Variants in PID1 observed in about 807,000 individuals in gnomAD.
PID1 encodes PTB-containing, cubilin and LRP1-interacting protein.
In PID1, 10 loss-of-function variants were observed where a neutral mutation model predicts 19.1. The ratio of observed to expected loss-of-function variants is 0.52; its 90% CI spans 0.32 to 0.89. PID1 has a LOEUF of 0.89. Ranked by LOEUF, PID1 falls within the 40% of genes least tolerant of loss-of-function variation. PID1 has a pLI of 0.03. For synonymous variants in PID1, 130 were observed against 116.0 expected, an observed-to-expected ratio of 1.12 and a Z score of -0.78; for missense variants, 248 against 285.3, an observed-to-expected ratio of 0.87 and a Z score of 0.94.
chr2:229,191,486 C>A (rs1691259254), intron 1 of PID1, among the ~76,000 whole-genome samples: 1 of 152,090 alleles, frequency 6.6e-6, no homozygotes, highest in South Asian at 2.1e-4. Context: ...CAATAGATAC[C>A]ATGAAGTGAT....
chr2:229,053,335 T>C (rs1694032134), intron 2 of PID1, among the ~76,000 whole-genome samples: 1 of 152,204 alleles, frequency 6.6e-6, no homozygotes. Context: ...ATAAAGATGT[T>C]ACACTGATTA....
At chr2:229,121,662 G>A (rs750015551) in intron 2 of PID1, among the ~76,000 whole-genome samples, 1 of 152,084 alleles carries the variant, frequency 6.6e-6, no homozygotes, top group East Asian at 1.9e-4. Context: ...GTATTCTGTC[G>A]GGCTCTCCTC....
intron 1 of PID1, among the ~76,000 whole-genome samples, chr2:229,163,701 T>C (rs542139282): frequency 7.5e-6 from 1 of 132,696 alleles, no homozygotes; most frequent in Admixed American, 8.6e-5. Context: ...GTGTGTATAC[T>C]CACTAATTCA....
chr2:229,227,820 A>T, intron 1 of PID1: 2 of 315,080 alleles, frequency 6.3e-6, no homozygotes, highest in Non-Finnish European at 6.4e-6. Context: ...TCTTGTCATT[A>T]TCTCCCAACC....
rs533391342 is a variant in PID1 at position 229,108,779 on chromosome 2, C to T, written c.177+47039G>A. Among the ~76,000 whole-genome samples, 41 of 152,220 alleles carry T rather than the reference C, an allele frequency of 2.7e-4. No homozygotes were observed. The South Asian group carries it at 3.5e-3, about 13-fold the overall frequency. Reference sequence around the variant, plus strand: ...ATCCCTGTTGTCTAAGGAGCCTGGACACAGTCGTCTGAGTGATGGGCAGCT... The same window carrying T: ...ATCCCTGTTGTCTAAGGAGCCTGGATACAGTCGTCTGAGTGATGGGCAGCT... On this transcript the variant is annotated intron_variant, in intron 2 of 2. Coordinates refer to ENST00000392055, the MANE Select transcript of PID1 (RefSeq NM_001100818.2).
intron 1 of PID1, among the ~76,000 whole-genome samples, chr2:229,234,909 ATT>A (rs1435518989): frequency 1.3e-5 from 2 of 152,220 alleles, no homozygotes; most frequent in Non-Finnish European, 2.9e-5. Context: ...CTTCATAAAT[ATT>A]AATAGCAATT....
At chr2:229,050,425 A>C (rs145153466) in intron 2 of PID1, among the ~76,000 whole-genome samples, 2 of 152,338 alleles carry the variant, frequency 1.3e-5, no homozygotes, top group African/African-American at 4.8e-5. Flanking sequence ...TTCTGTGGTG[A>C]AACAGACGCT....
intron 1 of PID1, among the ~76,000 whole-genome samples, chr2:229,185,390 T>A (rs1199014366): frequency 6.6e-6 from 1 of 152,154 alleles, no homozygotes; most frequent in Non-Finnish European, 1.5e-5. Flanking sequence ...TCCTGTCTAC[T>A]TAGGGATGCT....
At chr2:229,143,985 G>T (rs1259730677) in intron 2 of PID1, among the ~76,000 whole-genome samples, 1 of 152,046 alleles carries the variant, frequency 6.6e-6, no homozygotes, top group Non-Finnish European at 1.5e-5. Flanking sequence ...ACATACAAAA[G>T]AATATTAATA....
intron 1 of PID1, among the ~76,000 whole-genome samples, chr2:229,192,737 A>G (rs1033372955): frequency 1.3e-5 from 2 of 152,236 alleles, no homozygotes; most frequent in Non-Finnish European, 2.9e-5. Context: ...TAATGGATTA[A>G]AAGTCTTACT....
In PID1 at chr2:229,167,795, C is replaced by T. The variant is rs549757923; in HGVS notation, c.31-11831G>A. Among the ~76,000 whole-genome samples the T allele has an allele frequency of 5.3e-5, 8 of 152,178 alleles. No individual in the cohort carries two copies. The East Asian group carries it at 1.3e-3, about 26-fold the overall frequency. The stretch of plus-strand genomic sequence containing the variant: ...CATTTGGGGACGCTTGAAAATTATA[C>T]TATTTTGTCACTATTGAAATCTAAC... On this transcript the variant is annotated intron_variant, in intron 1 of 2. Transcript: ENST00000392055.
chr2:229,268,091 T>C (rs1011664200), intron 1 of PID1, among the ~76,000 whole-genome samples: 4 of 152,200 alleles, frequency 2.6e-5, no homozygotes, highest in Non-Finnish European at 5.9e-5. Flanking sequence ...TGGGATGCAA[T>C]AGAAGTTTTA....
intron 2 of PID1, among the ~76,000 whole-genome samples, chr2:229,050,108 T>A (rs2191832): frequency 1.5e-4 from 23 of 151,476 alleles, no homozygotes; most frequent in Admixed American, 4.6e-4. Flanking sequence ...TGACAGCTCC[T>A]GATTCTTTAG....
intron 1 of PID1, among the ~76,000 whole-genome samples, chr2:229,220,306 C>T (rs1470065541): frequency 6.6e-6 from 1 of 152,166 alleles, no homozygotes; most frequent in Non-Finnish European, 1.5e-5. Context: ...CTAGAACTAG[C>T]AAGTGGCAAG....
intron 1 of PID1, among the ~76,000 whole-genome samples, chr2:229,254,279 A>C (rs1690232428): frequency 6.6e-6 from 1 of 152,212 alleles, no homozygotes; most frequent in Non-Finnish European, 1.5e-5. Flanking sequence ...TGAACAAAAA[A>C]ACAAAAACAA....
intron 2 of PID1, among the ~76,000 whole-genome samples, chr2:229,101,297 T>C (rs1359294901): frequency 2.6e-5 from 4 of 152,168 alleles, no homozygotes; most frequent in East Asian, 1.9e-4. Flanking sequence ...ACGTGTGCCA[T>C]GGTGGTTTGC....
At chr2:229,144,625 G>A (rs1284926520) in intron 2 of PID1, among the ~76,000 whole-genome samples, 1 of 152,128 alleles carries the variant, frequency 6.6e-6, no homozygotes, top group Non-Finnish European at 1.5e-5. Flanking sequence ...GAAAGAGAGT[G>A]AGTATAGTCA....
intron 2 of PID1, among the ~76,000 whole-genome samples, chr2:229,036,437 TACTTC>T (rs1484783078): frequency 6.6e-6 from 1 of 152,206 alleles, no homozygotes; most frequent in Admixed American, 6.5e-5. Flanking sequence ...TTGGCAGATC[TACTTC>T]ACTTCATCAG....
At chr2:229,233,299 T>C (rs1692255316) in intron 1 of PID1, among the ~76,000 whole-genome samples, 1 of 152,056 alleles carries the variant, frequency 6.6e-6, no homozygotes, top group Admixed American at 6.5e-5. Flanking sequence ...AGGAATAATA[T>C]ATTTTGTAAT....
Sources: gnomAD v4.1 joint callset for allele counts (sites outside exome capture counted in the v4.1 genomes callset) on GRCh38, gnomAD v4.1.1 for gene constraint, MANE v1.5 for transcripts, NCBI Gene and HGNC (gene_info 2026-07-23, HGNC 2026-07-21) for gene names.